RGS3: variants seen among roughly 807,000 people sequenced by gnomAD.
The protein encoded by RGS3 is regulator of G-protein signalling 3.
In RGS3, 80 loss-of-function variants were observed where a neutral mutation model predicts 132.6. The ratio of observed to expected loss-of-function variants is 0.60; its 90% CI spans 0.50 to 0.73. RGS3 has a LOEUF of 0.73. Ranked by LOEUF, RGS3 falls within the 30% of genes least tolerant of loss-of-function variation. The pLI is 0.00. For synonymous variants in RGS3, 598 were observed against 620.6 expected (o/e 0.96, Z 0.54); for missense variants, 1,382 against 1,530.8 (o/e 0.90, Z 1.62).
chr9:113,595,107 C>A, intron 23 of RGS3, 127 bp downstream of exon 21: 4 of 898,002 alleles, frequency 4.5e-6, no homozygotes, highest in Non-Finnish European at 7.0e-6. Context: ...GGTGTCCTTG[C>A]TGTTGCGGAG....
At chr9:113,454,595 G>A (rs550211140) in intron 1 of RGS3, among the ~76,000 whole-genome samples, 3 of 151,398 alleles carry the variant, frequency 2.0e-5, no homozygotes, top group East Asian at 3.9e-4. Flanking sequence ...GCGACAGAGC[G>A]AGACAGTATC....
At chr9:113,487,479 A>C (rs1246996828) in intron 7 of RGS3, among the ~76,000 whole-genome samples, 1 of 152,212 alleles carries the variant, frequency 6.6e-6, no homozygotes. Context: ...AGAAGAGGAA[A>C]CTAAAGTTTA....
At chr9:113,583,801 A>G in exon 20 of RGS3, 2 of 1,613,664 alleles carry the variant, frequency 1.2e-6, no homozygotes, top group Non-Finnish European at 8.5e-7. Flanking sequence ...CCCTCTACTC[A>G]CCAAAGACCT....
intron 19 of RGS3, among the ~76,000 whole-genome samples, chr9:113,544,174 A>G (rs1438646912): frequency 6.6e-6 from 1 of 152,200 alleles, no homozygotes; most frequent in Non-Finnish European, 1.5e-5. Context: ...TTGGTGTCTC[A>G]GGCCCAGGAG....
At chr9:113,575,752 G>T (rs1834489581) in intron 19 of RGS3, among the ~76,000 whole-genome samples, 1 of 152,180 alleles carries the variant, frequency 6.6e-6, no homozygotes, top group Non-Finnish European at 1.5e-5. Flanking sequence ...AAGTAAAAAG[G>T]CCTGGGCCTT....
Position 113,591,116 on chromosome 9 carries a change from G to T in RGS3, c.3016-217G>T, listed in dbSNP as rs552872635. Among the ~76,000 whole-genome samples the T allele has an allele frequency of 1.0e-3, 158 of 152,342 alleles. No homozygotes were observed. Among genetic ancestry groups the T allele is most frequent in the African/African-American group, 3.5e-3 (144 of 41,568 alleles). ...GCTGGGGACCTGACTGTCCCAGGAG[G>T]AGATCCCTGTGGCCGGAGAGTCTGC... is the stretch of plus-strand genomic sequence containing the variant. On this transcript the variant is annotated intron_variant, in intron 20 of 24. Transcript: ENST00000350696. This position sits in a 1 kb window ranked among gnomAD's most constrained non-coding sequence, Gnocchi z 4.4.
chr9:113,573,477 C>T (rs1472632538), intron 19 of RGS3, among the ~76,000 whole-genome samples: 1 of 152,156 alleles, frequency 6.6e-6, no homozygotes, highest in African/African-American at 2.4e-5. Context: ...GTGAGGGAGG[C>T]GGCACATGGA....
upstream of RGS3, among the ~76,000 whole-genome samples, chr9:113,456,177 G>T (rs1051512658): frequency 1.3e-5 from 2 of 152,056 alleles, no homozygotes; most frequent in African/African-American, 4.8e-5. Flanking sequence ...ACTACTCTTG[G>T]TTCTGTCCTG....
In RGS3 at chr9:113,596,762, C is replaced by T. The variant is rs1835800762; in HGVS notation, c.3412-6C>T. 6.2e-7 allele frequency: 1 copy of T among 1,605,012 alleles called. No individual in the cohort carries two copies. On this transcript the variant is annotated splice_polypyrimidine_tract_variant and splice_region_variant and intron_variant, in intron 24 of 24. Coordinates refer to ENST00000350696, the Ensembl canonical transcript of RGS3. ...GCCCTGACCATGTCCCCCTCTGCCT[C>T]CCCAGGTCAACCTGGACTCCTACAC...
intron 19 of RGS3, among the ~76,000 whole-genome samples, chr9:113,553,105 T>C (rs1293075702): frequency 1.3e-5 from 2 of 152,104 alleles, no homozygotes; most frequent in East Asian, 1.9e-4. Flanking sequence ...TGTTTTGTTT[T>C]ACTAAATAAT....
rs952586983 is a variant in RGS3, at chr9:113,565,502, C to T, written c.2038-17948C>T. On this transcript the variant is annotated intron_variant, in intron 19 of 24. Transcript: ENST00000350696. The surrounding 1 kb of genome is among the most constrained non-coding windows in gnomAD (Gnocchi z 5.7). ...GGAGGTGGAACCTGGTCATTTGGTT[C>T]TGCTTTTCCTAGCAGGTATCGCTCC... 1.5e-6 allele frequency: 1 copy of T among 671,470 alleles called. No individual in the cohort carries two copies. The highest frequency in any genetic ancestry group is 2.9e-5 in the Admixed American group (1 of 34,702). 41.6% of individuals were successfully genotyped at this position (671,470 alleles called of 1,614,324 possible). A position where few individuals can be genotyped will look rare whatever the true frequency, so the allele number is the denominator to read the frequency against.
chr9:113,499,088 A>C (rs1167091451), intron 10 of RGS3, among the ~76,000 whole-genome samples: 1 of 151,974 alleles, frequency 6.6e-6, no homozygotes, highest in African/African-American at 2.4e-5. Flanking sequence ...TTAGCCAGGC[A>C]TGGTGGTGTG....
intron 19 of RGS3, chr9:113,541,705 C>G: frequency 4.7e-6 from 5 of 1,068,972 alleles, no homozygotes; most frequent in Non-Finnish European, 5.7e-6. Flanking sequence ...AGGAGGAGGA[C>G]ATTCCACATC....
At chr9:113,451,009 C>A (rs1012006211) in intron 1 of RGS3, among the ~76,000 whole-genome samples, 2 of 151,948 alleles carry the variant, frequency 1.3e-5, no homozygotes, top group African/African-American at 4.8e-5. Flanking sequence ...GAAACCCCAT[C>A]TCTACTAAAA....
intron 1 of RGS3, among the ~76,000 whole-genome samples, chr9:113,447,361 A>ATATATATATATATATATG (rs1554751008): frequency 8.4e-6 from 1 of 118,420 alleles, no homozygotes; most frequent in Non-Finnish European, 1.8e-5. Context: ...ATATATATAT[A>ATATATATATATATATATG]GGCAAGGGTT....
chr9:113,577,427 A>AC (rs1404663613), intron 19 of RGS3, among the ~76,000 whole-genome samples: 3 of 152,196 alleles, frequency 2.0e-5, no homozygotes, highest in Non-Finnish European at 4.4e-5. Context: ...TTGAGGATTG[A>AC]CCATGGGGGT....
At chr9:113,581,984 T>G in intron 19 of RGS3, 1 of 978,892 alleles carries the variant, frequency 1.0e-6, no homozygotes, top group East Asian at 1.1e-4. Flanking sequence ...TTCTCTGCTC[T>G]GCAGGGCTCC....
At chr9:113,470,220 C>T (rs1360509432) in intron 3 of RGS3, among the ~76,000 whole-genome samples, 2 of 152,184 alleles carry the variant, frequency 1.3e-5, no homozygotes, top group Non-Finnish European at 2.9e-5. Flanking sequence ...AAGGATTCTG[C>T]AGCAGTTGGG....
intron 5 of RGS3, 41 bp downstream of exon 3, chr9:113,483,158 G>A: frequency 2.1e-6 from 3 of 1,445,296 alleles, no homozygotes; most frequent in South Asian, 1.2e-5. Context: ...GATATTGAGG[G>A]GCCATGTTAC....
Sources: allele counts gnomAD v4.1 joint callset (sites outside exome capture counted in the v4.1 genomes callset), GRCh38; gene constraint gnomAD v4.1.1; non-coding constraint Gnocchi (gnomAD v3.1); transcripts MANE v1.5; gene names NCBI Gene and HGNC (gene_info 2026-07-23, HGNC 2026-07-21).